The following CHST9 variants were observed in gnomAD, a reference collection of about 807,000 sequenced individuals.
CHST9 encodes carbohydrate sulfotransferase 9.
A neutral mutation model predicts 44.4 loss-of-function variants in CHST9; 41 were observed. The observed-to-expected ratio is 0.92, with a 90% CI of 0.72 to 1.20. The LOEUF (loss-of-function observed/expected upper bound fraction) is 1.20. CHST9 is among the 50% of genes most tolerant of loss of function. The pLI is 0.00. For synonymous variants in CHST9, 171 were observed against 178.4 expected, an observed-to-expected ratio of 0.96 and a Z score of 0.33; for missense variants, 504 against 516.5, an observed-to-expected ratio of 0.98 and a Z score of 0.23.
intron 4 of CHST9, among the ~76,000 whole-genome samples, chr18:26,975,649 G>GTATACA (rs2056608557): frequency 7.9e-6 from 1 of 126,920 alleles, no homozygotes; most frequent in Non-Finnish European, 1.6e-5. Flanking sequence ...ATGTATGTGT[G>GTATACA]TATATATATA....
chr18:26,943,681 G>T (rs375720017), intron 5 of CHST9, among the ~76,000 whole-genome samples: 3 of 152,224 alleles, frequency 2.0e-5, no homozygotes, highest in Admixed American at 2.0e-4. Flanking sequence ...GGTGGGTGGG[G>T]CAAGATATGC....
chr18:26,925,400 A>G (rs2055747481), intron 5 of CHST9, among the ~76,000 whole-genome samples: 1 of 152,202 alleles, frequency 6.6e-6, no homozygotes, highest in Admixed American at 6.5e-5. Flanking sequence ...GAGCTCAGAG[A>G]ATTTAAATAA....
chr18:27,183,634 G>C (rs1170967678), intron 1 of CHST9, among the ~76,000 whole-genome samples: 1 of 152,170 alleles, frequency 6.6e-6, no homozygotes. Context: ...TTTTCCATAT[G>C]ATGAGAGGAT....
intron 1 of CHST9, among the ~76,000 whole-genome samples, chr18:27,160,548 CA>C (rs1239320817): frequency 2.0e-5 from 3 of 152,160 alleles, no homozygotes; most frequent in Admixed American, 6.5e-5. Flanking sequence ...CGATGTTCAT[CA>C]GGGGTATTGG....
At chr18:26,927,454 T>C (rs1209985956) in intron 5 of CHST9, among the ~76,000 whole-genome samples, 1 of 152,098 alleles carries the variant, frequency 6.6e-6, no homozygotes, top group Non-Finnish European at 1.5e-5. Flanking sequence ...GATTATTATC[T>C]CTACCATCTC....
chr18:26,931,381 T>C (rs2055875328), intron 5 of CHST9, among the ~76,000 whole-genome samples: 1 of 152,242 alleles, frequency 6.6e-6, no homozygotes, highest in Admixed American at 6.5e-5. Flanking sequence ...GGAATTTTCC[T>C]AGGGCCTTCC....
At chr18:27,074,418 G>A (rs753937088) in intron 2 of CHST9, among the ~76,000 whole-genome samples, 1 of 152,170 alleles carries the variant, frequency 6.6e-6, no homozygotes, top group Non-Finnish European at 1.5e-5. Context: ...GTTAATGAGA[G>A]TGCCTTTAAA....
At chr18:26,989,865 G>A (rs1401787962) in intron 4 of CHST9, among the ~76,000 whole-genome samples, 1 of 152,134 alleles carries the variant, frequency 6.6e-6, no homozygotes, top group East Asian at 1.9e-4. Context: ...CACAAGAATG[G>A]CTTGAACCTG....
At chr18:27,070,557 T>A (rs1225967787) in intron 2 of CHST9, among the ~76,000 whole-genome samples, 1 of 152,208 alleles carries the variant, frequency 6.6e-6, no homozygotes, top group Non-Finnish European at 1.5e-5. Flanking sequence ...TATGTTTCCA[T>A]ATTTAGTTTA....
chr18:27,054,981 T>C (rs2057637614), intron 2 of CHST9, among the ~76,000 whole-genome samples: 1 of 152,156 alleles, frequency 6.6e-6, no homozygotes, highest in African/African-American at 2.4e-5. Context: ...TTCCATCTTT[T>C]TATAATAAAG....
At chr18:27,030,917 T>C (rs2057333815) in intron 3 of CHST9, among the ~76,000 whole-genome samples, 1 of 150,416 alleles carries the variant, frequency 6.6e-6, no homozygotes, top group Non-Finnish European at 1.5e-5. Context: ...TTCTAGGAAA[T>C]AGGGCAAAAA....
intron 2 of CHST9, among the ~76,000 whole-genome samples, chr18:27,134,262 G>A (rs894909594): frequency 3.3e-5 from 5 of 152,064 alleles, no homozygotes; most frequent in Admixed American, 6.6e-5. Context: ...AATGTAGAGA[G>A]AGAAAGTGTA....
At chr18:27,162,395 T>C (rs1296940668) in intron 1 of CHST9, among the ~76,000 whole-genome samples, 1 of 152,122 alleles carries the variant, frequency 6.6e-6, no homozygotes, top group East Asian at 1.9e-4. Flanking sequence ...TATGAAATTC[T>C]GGGTTGAAAA....
chr18:27,154,192 CAG>C (rs2058681090), intron 1 of CHST9, among the ~76,000 whole-genome samples: 1 of 151,618 alleles, frequency 6.6e-6, no homozygotes, highest in Non-Finnish European at 1.5e-5. Context: ...GCATGATAAT[CAG>C]AAATAAATGA....
At chr18:27,126,354 C>T (rs772296396) in intron 2 of CHST9, among the ~76,000 whole-genome samples, 2 of 152,152 alleles carry the variant, frequency 1.3e-5, no homozygotes, top group African/African-American at 4.8e-5. Context: ...GTACAATGTT[C>T]CCCCAGTGCC....
chr18:26,919,404 T>C (rs752568158), intron 5 of CHST9, among the ~76,000 whole-genome samples: 6 of 152,184 alleles, frequency 3.9e-5, no homozygotes, highest in Non-Finnish European at 8.8e-5. Context: ...TCACTGAAAA[T>C]ATAAAATTTG....
chr18:27,098,544 A>G (rs1352524973), intron 2 of CHST9, among the ~76,000 whole-genome samples: 2 of 152,186 alleles, frequency 1.3e-5, no homozygotes, highest in Non-Finnish European at 1.5e-5. Flanking sequence ...AAAGACTTGT[A>G]ACTAACCCAA....
intron 2 of CHST9, among the ~76,000 whole-genome samples, chr18:27,064,668 C>A (rs1278627216): frequency 3.9e-5 from 6 of 152,188 alleles, no homozygotes; most frequent in Non-Finnish European, 5.9e-5. Context: ...CAGGTTCCTT[C>A]TGGTGAGCTG....
chr18:26,933,845 A>C (rs1352818379), intron 5 of CHST9: 1 of 153,364 alleles, frequency 6.5e-6, no homozygotes, highest in Non-Finnish European at 1.5e-5. Context: ...GCAAACACTA[A>C]AACAGTAATG....
Sources: allele counts gnomAD v4.1 joint callset (sites outside exome capture counted in the v4.1 genomes callset), GRCh38; gene constraint gnomAD v4.1.1; transcripts MANE v1.5; gene names NCBI Gene and HGNC (gene_info 2026-07-23, HGNC 2026-07-21).